The following SYT6 variants were observed in gnomAD, a reference collection of about 807,000 sequenced individuals.
SYT6 encodes the protein synaptotagmin-6.
Under a neutral mutation model 38.4 loss-of-function variants are expected in SYT6, and 24 were observed. The observed-to-expected ratio is 0.62, with a 90% CI of 0.45 to 0.88. The LOEUF (loss-of-function observed/expected upper bound fraction) is 0.88. SYT6 is among the 40% of genes least tolerant of loss of function. The pLI, the probability that SYT6 is intolerant of heterozygous loss-of-function variation, is 0.00. For synonymous variants in SYT6, 265 were observed against 241.9 expected, an observed-to-expected ratio of 1.10 and a Z score of -0.89; for missense variants, 611 against 621.0, an observed-to-expected ratio of 0.98 and a Z score of 0.17.
chr1:114,117,901 G>T (rs991508412), intron 3 of SYT6, among the ~76,000 whole-genome samples: 4 of 152,208 alleles, frequency 2.6e-5, no homozygotes, highest in Middle Eastern at 3.2e-3. Flanking sequence ...GAACCGTGAA[G>T]CCCAATGAGT....
rs1675294925 is a variant in SYT6, at chr1:114,091,429, T to A, written c.*705A>T. ...GGAGCGAGGAACCCTGCACATCAGC[T>A]GAAGGCTCACAAGCGCCTCAGAGGT... is the stretch of plus-strand genomic sequence containing the variant. On this transcript the variant is annotated 3_prime_UTR_variant, in exon 8 of 8. Coordinates refer to ENST00000610222, the MANE Select transcript of SYT6 (RefSeq NM_001253772.2). 1 of 152,350 alleles carries A rather than the reference T, an allele frequency of 6.6e-6. No homozygotes were observed. The allele number at this position is 152,350 out of a possible 1,614,324, so 9.4% of individuals were successfully genotyped here.
At chr1:114,129,633 C>CTTTCTTTCTTTCTCTTTCTTTCTT (rs1678011295) in intron 3 of SYT6, among the ~76,000 whole-genome samples, 1 of 82,468 alleles carries the variant, frequency 1.2e-5, no homozygotes, top group African/African-American at 4.6e-5. Context: ...TTCTTTCTTT[C>CTTTCTTTCTTTCTCTTTCTTTCTT]TTTCTTTCTC....
At position 114,090,742 on chromosome 1, in the gene SYT6, CTG is replaced by C. The variant is rs1271007592; in HGVS notation, c.*1390_*1391del. The C allele has an allele frequency of 3.3e-5, 5 of 152,370 alleles. No individual in the cohort carries two copies. Among genetic ancestry groups the C allele is most frequent in the African/African-American group, 1.2e-4 (5 of 41,450 alleles). 9.4% of individuals were successfully genotyped at this position (152,370 alleles called of 1,614,324 possible). A position where few individuals can be genotyped will look rare whatever the true frequency, so the allele number is the denominator to read the frequency against. ...CATGCGCTTACTGGGGTTATACAAA[CTG>C]AGATTGAGCAAATCAACCTGGTTTT... On this transcript the variant is annotated 3_prime_UTR_variant, in exon 8 of 8. Coordinates refer to ENST00000610222, the MANE Select transcript of SYT6 (RefSeq NM_001253772.2).
At chr1:114,102,787 A>G (rs921052567) in intron 4 of SYT6, among the ~76,000 whole-genome samples, 5 of 152,116 alleles carry the variant, frequency 3.3e-5, no homozygotes, top group South Asian at 2.1e-4. Flanking sequence ...GCCCAGACCA[A>G]GAGGCTTCAC....
At chr1:114,111,078 T>C (rs537669623) in intron 3 of SYT6, among the ~76,000 whole-genome samples, 118 of 152,288 alleles carry the variant, frequency 7.7e-4, no homozygotes, top group African/African-American at 2.6e-3. Flanking sequence ...CTTGGAACTT[T>C]TAGGAGTCGG....
intron 4 of SYT6, 84 bp downstream of exon 4, chr1:114,103,517 A>G: frequency 6.4e-7 from 1 of 1,564,322 alleles, no homozygotes; most frequent in Non-Finnish European, 8.7e-7. Context: ...AAGAATGCTG[A>G]CAATTCTTTC....
At position 114,121,007 on chromosome 1, in the gene SYT6, G is replaced by A. The variant is rs1283302112; in HGVS notation, c.1071+16488C>T. Among the ~76,000 whole-genome samples the A allele has an allele frequency of 2.6e-5, 4 of 152,300 alleles. No individual in the cohort carries two copies. In the South Asian group the frequency reaches 6.2e-4, roughly 24 times the overall value. ...GGCCTTCATTGAAGCTGTCCCTACC[G>A]CCCTGCCCACTGGGCAGCTAACTGG... is the stretch of plus-strand genomic sequence containing the variant. On this transcript the variant is annotated intron_variant, in intron 3 of 7. Transcript: ENST00000610222.
chr1:114,138,175 C>T, intron 2 of SYT6, 122 bp from the exon 3 acceptor site: 1 of 976,672 alleles, frequency 1.0e-6, no homozygotes, highest in Non-Finnish European at 1.5e-6. Flanking sequence ...CCTTTTCCTT[C>T]CTCTTCTTGA....
Position 114,103,704 on chromosome 1 carries a change from T to C in SYT6, c.1089A>G (p.Gly363=). Residue 363 remains glycine, a synonymous_variant, in exon 4 of 8, where the codon GGA becomes GGG. Coordinates refer to ENST00000610222, the MANE Select transcript of SYT6 (RefSeq NM_001253772.2). ...QYATSESVDL[G]EIMFSLCYLP... is the part of the protein sequence containing the mutation. ...GGTAGCAAAGGGAGAACATGATCTC[T>C]CCCAAGTCCACGCTTTCCTGCAAAG... 1 of 1,613,888 alleles carries C rather than the reference T, an allele frequency of 6.2e-7. No homozygotes were observed. The highest frequency in any genetic ancestry group is 8.5e-7 in the Non-Finnish European group (1 of 1,179,924).
At chr1:114,106,637 T>A (rs1410043168) in intron 3 of SYT6, among the ~76,000 whole-genome samples, 1 of 152,112 alleles carries the variant, frequency 6.6e-6, no homozygotes, top group Non-Finnish European at 1.5e-5. Context: ...GCTGGTATAT[T>A]GTTGGTCCTT....
At chr1:114,115,046 T>A (rs976807576) in intron 3 of SYT6, among the ~76,000 whole-genome samples, 7 of 152,250 alleles carry the variant, frequency 4.6e-5, no homozygotes, top group African/African-American at 1.7e-4. Flanking sequence ...GCAAAGACAG[T>A]GTTTCAAAGA....
chr1:114,116,812 C>T (rs1399696144), intron 3 of SYT6, among the ~76,000 whole-genome samples: 1 of 152,196 alleles, frequency 6.6e-6, no homozygotes, highest in Non-Finnish European at 1.5e-5. Flanking sequence ...AATGGCTGAC[C>T]CAGTTCCTGG....
chr1:114,112,815 G>A (rs541471080), intron 3 of SYT6, among the ~76,000 whole-genome samples: 9 of 152,304 alleles, frequency 5.9e-5, no homozygotes, highest in Admixed American at 2.6e-4. Context: ...TTGTCTTGCC[G>A]AGTGGCTGTC....
intron 3 of SYT6, among the ~76,000 whole-genome samples, chr1:114,116,308 C>A (rs147389741): frequency 8.2e-4 from 125 of 152,288 alleles, no homozygotes; most frequent in African/African-American, 3.0e-3. Flanking sequence ...CCAGCAGGGG[C>A]AGAACCCCTG....
chr1:114,094,213 TG>T (rs1675490543), intron 6 of SYT6, among the ~76,000 whole-genome samples: 1 of 152,106 alleles, frequency 6.6e-6, no homozygotes, highest in South Asian at 2.1e-4. Flanking sequence ...AGGGAGGAGA[TG>T]GGGTTTGTGG....
chr1:114,112,695 A>G (rs917064384), intron 3 of SYT6, among the ~76,000 whole-genome samples: 1 of 152,256 alleles, frequency 6.6e-6, no homozygotes, highest in Non-Finnish European at 1.5e-5. Flanking sequence ...ACCTCACTTC[A>G]GATCTGGTCC....
intron 2 of SYT6, among the ~76,000 whole-genome samples, chr1:114,138,609 C>A (rs531527735): frequency 6.6e-5 from 10 of 152,100 alleles, no homozygotes; most frequent in Non-Finnish European, 1.5e-5. Context: ...CCTCTCTGTG[C>A]CATAAAAACG....
In SYT6 at chr1:114,095,994, A is replaced by G. The variant is rs115163526; in HGVS notation, c.1515+1733T>C. Among the ~76,000 whole-genome samples the G allele has an allele frequency of 3.0e-3, 457 of 150,944 alleles. 1 individual carries two copies. The highest frequency in any genetic ancestry group is 2.5e-3 in the Non-Finnish European group (171 of 67,842). On this transcript the variant is annotated intron_variant, in intron 6 of 7. Coordinates refer to ENST00000610222, the MANE Select transcript of SYT6 (RefSeq NM_001253772.2). ...GTTTTCTAAGGCCCTACAGCCGACC[A>G]GAGGCCTCTTAGCTCTCATTCCATG...
intron 3 of SYT6, among the ~76,000 whole-genome samples, chr1:114,123,771 A>G (rs990253650): frequency 6.6e-6 from 1 of 152,170 alleles, no homozygotes; most frequent in Non-Finnish European, 1.5e-5. Flanking sequence ...TCAAATACTA[A>G]GGGTGAGCAA....
Sources: allele counts gnomAD v4.1 joint callset (sites outside exome capture counted in the v4.1 genomes callset), GRCh38; gene constraint gnomAD v4.1.1; transcripts MANE v1.5; gene names NCBI Gene and HGNC (gene_info 2026-07-23, HGNC 2026-07-21).